CCDC141: variants seen among roughly 807,000 people sequenced by gnomAD.
CCDC141 encodes the protein coiled-coil domain-containing protein 141.
A neutral mutation model predicts 181.0 loss-of-function variants in CCDC141; 168 were observed. The ratio of observed to expected loss-of-function variants is 0.93; its 90% CI spans 0.82 to 1.05. The LOEUF is 1.05. Ranked by LOEUF, CCDC141 falls within the 50% of genes least tolerant of loss-of-function variation. The pLI, the probability that CCDC141 is intolerant of heterozygous loss-of-function variation, is 0.00. For synonymous variants in CCDC141, 666 were observed against 642.3 expected, an observed-to-expected ratio of 1.04 and a Z score of -0.56; for missense variants, 1,902 against 1,788.5, an observed-to-expected ratio of 1.06 and a Z score of -1.14.
chr2:179,032,119 AC>A (rs2043016427), intron 2 of CCDC141, among the ~76,000 whole-genome samples: 1 of 151,172 alleles, frequency 6.6e-6, no homozygotes, highest in Admixed American at 6.6e-5. Flanking sequence ...TACCCTGGAA[AC>A]CCCCCTTACT....
intron 8 of CCDC141, among the ~76,000 whole-genome samples, chr2:178,892,214 T>C (rs1312008415): frequency 3.4e-5 from 4 of 117,432 alleles, no homozygotes; most frequent in Non-Finnish European, 8.8e-5. Context: ...TTATCATGTG[T>C]AGTTTGGCTC....
At chr2:178,929,042 T>C (rs1689005903) in intron 6 of CCDC141, among the ~76,000 whole-genome samples, 1 of 152,208 alleles carries the variant, frequency 6.6e-6, no homozygotes, top group Admixed American at 6.5e-5. Context: ...AATTATTCAC[T>C]AAAATGAAGA....
intron 17 of CCDC141, among the ~76,000 whole-genome samples, chr2:178,860,006 C>T (rs1009615322): frequency 6.6e-6 from 1 of 152,174 alleles, no homozygotes; most frequent in African/African-American, 2.4e-5. Context: ...AACAGAAATG[C>T]ATTTAATGCA....
At chr2:178,949,200 T>C (rs946419404) in intron 5 of CCDC141, among the ~76,000 whole-genome samples, 5 of 152,176 alleles carry the variant, frequency 3.3e-5, no homozygotes, top group African/African-American at 1.2e-4. Context: ...TTTTTTTTTC[T>C]TGTTGGAAGT....
intron 2 of CCDC141, among the ~76,000 whole-genome samples, chr2:179,039,822 AT>A (rs1279746489): frequency 6.6e-6 from 1 of 152,212 alleles, no homozygotes; most frequent in African/African-American, 2.4e-5. Flanking sequence ...TCTTGACAGC[AT>A]ATTAGCTAGT....
chr2:179,006,233 T>C (rs963029004), intron 2 of CCDC141, among the ~76,000 whole-genome samples: 10 of 152,216 alleles, frequency 6.6e-5, no homozygotes, highest in African/African-American at 2.2e-4. Flanking sequence ...ACTTGAGATA[T>C]CATTCAATTT....
At chr2:178,990,947 G>A (rs537385090) in intron 2 of CCDC141, among the ~76,000 whole-genome samples, 5 of 152,158 alleles carry the variant, frequency 3.3e-5, no homozygotes, top group Middle Eastern at 6.8e-3. Flanking sequence ...CAACAAAAAC[G>A]GATTTCAGAG....
chr2:178,912,796 CTT>C (rs1212707160), intron 7 of CCDC141, among the ~76,000 whole-genome samples: 1 of 152,214 alleles, frequency 6.6e-6, no homozygotes, highest in Non-Finnish European at 1.5e-5. Flanking sequence ...TCTCTCATCA[CTT>C]TAGGTGTACA....
At position 178,938,110 on chromosome 2, in the gene CCDC141, G is replaced by T. The variant is rs570444037; in HGVS notation, c.897+6425C>A. The stretch of plus-strand genomic sequence containing the variant: ...CTTCTTGTCTTTTGCTAGCTTTAGG[G>T]TTGATTTGTTCTTGCTTCTCTAATT... On this transcript the variant is annotated intron_variant, in intron 6 of 23. Transcript: ENST00000443758. Among the ~76,000 whole-genome samples the T allele has an allele frequency of 3.3e-5, 5 of 152,058 alleles. No individual in the cohort carries two copies. The East Asian group carries it at 9.7e-4, about 29-fold the overall frequency.
intron 17 of CCDC141, among the ~76,000 whole-genome samples, chr2:178,858,357 T>C (rs1281055315): frequency 6.6e-6 from 1 of 152,186 alleles, no homozygotes; most frequent in African/African-American, 2.4e-5. Context: ...ATGTCAATTT[T>C]ATAAGATTGA....
At chr2:178,989,320 G>T (rs192703577) in intron 2 of CCDC141, among the ~76,000 whole-genome samples, 5 of 152,058 alleles carry the variant, frequency 3.3e-5, no homozygotes, top group African/African-American at 1.2e-4. Flanking sequence ...GGGGCTGGGC[G>T]CAGTGGCTCA....
At chr2:179,040,825 A>G (rs983436826) in intron 2 of CCDC141, among the ~76,000 whole-genome samples, 1 of 152,198 alleles carries the variant, frequency 6.6e-6, no homozygotes, top group Admixed American at 6.5e-5. Flanking sequence ...TGCTATCATG[A>G]ATAGTACTGC....
At chr2:179,000,326 G>T (rs982323855) in intron 2 of CCDC141, among the ~76,000 whole-genome samples, 1 of 151,966 alleles carries the variant, frequency 6.6e-6, no homozygotes, top group Non-Finnish European at 1.5e-5. Flanking sequence ...TATGTCTACT[G>T]GTTAACATAT....
intron 8 of CCDC141, among the ~76,000 whole-genome samples, chr2:178,890,760 C>G (rs2154371157): frequency 6.6e-6 from 1 of 152,212 alleles, no homozygotes; most frequent in Admixed American, 6.5e-5. Flanking sequence ...AAAATGAACT[C>G]TCTTTCTAAA....
At chr2:178,842,729 A>G (rs1463686614) in intron 22 of CCDC141, among the ~76,000 whole-genome samples, 1 of 152,258 alleles carries the variant, frequency 6.6e-6, no homozygotes, top group South Asian at 2.1e-4. Flanking sequence ...TAGGAAGAAC[A>G]CAAAGGAAGA....
chr2:178,934,553 C>T (rs547126079), intron 6 of CCDC141, among the ~76,000 whole-genome samples: 2 of 152,204 alleles, frequency 1.3e-5, no homozygotes, highest in East Asian at 1.9e-4. Flanking sequence ...AAAACAATTA[C>T]CCAGAGTCAA....
chr2:179,015,706 ATC>A (rs1241782175), intron 2 of CCDC141, among the ~76,000 whole-genome samples: 1 of 141,312 alleles, frequency 7.1e-6, no homozygotes, highest in Non-Finnish European at 1.5e-5. Context: ...TCATATATAT[ATC>A]TCATACATAT....
rs956302474 is a variant in CCDC141, at chr2:178,869,146, C to T, written c.2365G>A (p.Val789Met). ...TCCTTGACTTGATGGAACTGGACCA[C>T]CTTGTACAGGATATCCTCGTAATCC... ...IQDYEDILYK[V>M]VQFHQVKEEL... The change falls in exon 15 of 24, where the codon GTG (valine) becomes ATG (methionine). Residue 789 changes from valine (V) to methionine (M), a missense_variant. Val to Met is a conservative substitution (Grantham distance 21). Coordinates refer to ENST00000443758, the MANE Select transcript of CCDC141 (RefSeq NM_173648.4). 3.1e-6 allele frequency: 5 copies of T among 1,610,500 alleles called. No homozygotes were observed. In the South Asian group the frequency reaches 4.4e-5, roughly 14 times the overall value.
intron 2 of CCDC141, among the ~76,000 whole-genome samples, chr2:179,015,825 A>G (rs2042513671): frequency 2.6e-5 from 2 of 77,268 alleles, no homozygotes; most frequent in Non-Finnish European, 3.6e-5. Flanking sequence ...TATCTCATAT[A>G]TGTATCATAT....
Sources: gnomAD v4.1 joint callset for allele counts (sites outside exome capture counted in the v4.1 genomes callset) on GRCh38, gnomAD v4.1.1 for gene constraint, MANE v1.5 for transcripts, NCBI Gene and HGNC (gene_info 2026-07-23, HGNC 2026-07-21) for gene names.